Variants in FNDC3B observed in about 807,000 individuals in gnomAD.
FNDC3B encodes the protein fibronectin type III domain containing 3B.
A neutral mutation model predicts 151.5 loss-of-function variants in FNDC3B; 12 were observed. The observed-to-expected ratio is 0.08, with a 90% confidence interval of 0.05 to 0.13. The LOEUF is 0.13. Among genes scored for constraint, FNDC3B ranks in the 10% least tolerant of loss-of-function variants. The pLI, the probability that FNDC3B is intolerant of heterozygous loss-of-function variation, is 1.00. For synonymous variants in FNDC3B, 528 were observed against 549.0 expected (o/e 0.96, Z 0.54); for missense variants, 1,214 against 1,505.3 (o/e 0.81, Z 3.20).
chr3:172,309,026 C>A (rs1343756103), intron 10 of FNDC3B, among the ~76,000 whole-genome samples: 1 of 152,154 alleles, frequency 6.6e-6, no homozygotes. Flanking sequence ...TCAGGCAGAC[C>A]AGCAACTTCA....
chr3:172,318,015 A>T (rs532664932), intron 11 of FNDC3B, among the ~76,000 whole-genome samples: 63 of 152,214 alleles, frequency 4.1e-4, no homozygotes, highest in Admixed American at 3.5e-3. Context: ...TCACATCTGG[A>T]TACACAGAAT....
chr3:172,050,994 A>T (rs866411724), intron 1 of FNDC3B, among the ~76,000 whole-genome samples: 13 of 151,932 alleles, frequency 8.6e-5, no homozygotes, highest in Non-Finnish European at 1.8e-4. Flanking sequence ...ATTTTGGCCT[A>T]TTCAAAAGAA....
intron 2 of FNDC3B, among the ~76,000 whole-genome samples, chr3:172,132,604 C>A (rs988869923): frequency 1.3e-5 from 2 of 152,158 alleles, no homozygotes; most frequent in African/African-American, 4.8e-5. Context: ...CCAGGTTTCA[C>A]CCAGGTTGGT....
In FNDC3B at chr3:172,087,634, T is replaced by A. The variant is rs556657150; in HGVS notation, c.-28-24818T>A. On this transcript the variant is annotated intron_variant, in intron 1 of 25. Transcript: ENST00000415807. ...CAGAGGTGCTGCTGATTAAAAAAAA[T>A]TTTTTTTTCAAATTTCATTGCAAAT... Among the ~76,000 whole-genome samples the A allele has an allele frequency of 4.8e-4, 72 of 151,076 alleles. 1 individual carries two copies. The highest frequency in any genetic ancestry group is 1.5e-3 in the Admixed American group (23 of 15,238).
rs1264405629 is a variant in FNDC3B, at chr3:172,397,171, A to G, written c.3311A>G (p.Lys1104Arg). 3 of 1,608,586 alleles carry G rather than the reference A, an allele frequency of 1.9e-6. No homozygotes were observed. The highest frequency in any genetic ancestry group is 2.7e-5 in the African/African-American group (2 of 74,692). Residue 1104 changes from lysine to arginine, a missense_variant, in exon 26 of 26, where the codon AAG (lysine) becomes AGG (arginine). Coordinates refer to ENST00000415807, the MANE Select transcript of FNDC3B (RefSeq NM_022763.4). ...GRESEYKQVY[K>R]GEEATFQISG... ...ACTCTTCTTTTCCTGAAGGTGTACA[A>G]GGGAGAAGAAGCCACATTCCAAATC...
intron 4 of FNDC3B, among the ~76,000 whole-genome samples, chr3:172,243,660 A>C (rs7611221): frequency 0.029 from 4,408 of 152,270 alleles, 231 homozygotes; most frequent in African/African-American, 0.099. Context: ...GGATACAGCC[A>C]AACCATATCA....
chr3:172,318,933 A>G (rs2108267245), intron 11 of FNDC3B, among the ~76,000 whole-genome samples: 1 of 152,294 alleles, frequency 6.6e-6, no homozygotes, highest in East Asian at 1.9e-4. Flanking sequence ...GGAAGGATTG[A>G]ATAACTCAGA....
At chr3:172,318,748 C>T (rs1731939825) in intron 11 of FNDC3B, among the ~76,000 whole-genome samples, 1 of 152,194 alleles carries the variant, frequency 6.6e-6, no homozygotes, top group Non-Finnish European at 1.5e-5. Flanking sequence ...CCCACATGCA[C>T]TTTGGTCATT....
intron 22 of FNDC3B, among the ~76,000 whole-genome samples, chr3:172,355,971 T>A (rs1734076645): frequency 2.6e-5 from 4 of 152,184 alleles, no homozygotes; most frequent in African/African-American, 4.8e-5. Flanking sequence ...TACTTTTTTT[T>A]AAACAACCTT....
intron 3 of FNDC3B, among the ~76,000 whole-genome samples, chr3:172,192,864 T>C (rs1161094630): frequency 6.6e-6 from 1 of 152,096 alleles, no homozygotes; most frequent in Non-Finnish European, 1.5e-5. Flanking sequence ...AAATGCAGTT[T>C]ATTCCCCTAG....
chr3:172,235,395 C>T (rs1039561156), intron 4 of FNDC3B, among the ~76,000 whole-genome samples: 1 of 152,104 alleles, frequency 6.6e-6, no homozygotes, highest in African/African-American at 2.4e-5. Flanking sequence ...AGATCATGGT[C>T]CCCTGAATTC....
At position 172,343,033 on chromosome 3, in the gene FNDC3B, G is replaced by A. The variant is rs187182787; in HGVS notation, c.1994G>A (p.Arg665His). 10 of 1,611,692 alleles carry A rather than the reference G, an allele frequency of 6.2e-6. No individual in the cohort carries two copies. In the Admixed American group the frequency reaches 6.7e-5, roughly 11 times the overall value. Residue 665 changes from arginine to histidine, a missense_variant, in exon 18 of 26, where the codon CGC becomes CAC. Physicochemically the swap from Arg to His is conservative, Grantham distance 29 (BLOSUM62 0). Transcript: ENST00000415807. ...CAGTGTTCTGAAAGTCTCCCTGTTC[G>A]CACACTAAGCATTGCACCAGGTCAA... ...HSQCSESLPV[R>H]TLSIAPGQCR...
intron 11 of FNDC3B, 120 bp downstream of exon 11, chr3:172,311,001 G>A (rs781242069): frequency 8.1e-6 from 6 of 744,242 alleles, no homozygotes; most frequent in Non-Finnish European, 1.4e-5. Context: ...AATGCTAGTA[G>A]AGAAATTTAA....
At chr3:172,334,008 C>T (rs140505342) in intron 14 of FNDC3B, among the ~76,000 whole-genome samples, 469 of 151,390 alleles carry the variant, frequency 3.1e-3, no homozygotes, top group African/African-American at 0.011. Context: ...GAGATCAAAA[C>T]GATATTCTGC....
At chr3:172,316,438 T>C (rs1248396584) in intron 11 of FNDC3B, 3 of 456,062 alleles carry the variant, frequency 6.6e-6, no homozygotes, top group Non-Finnish European at 1.3e-5. Flanking sequence ...ACTAGGAACC[T>C]CTGGGTTGAG....
At chr3:172,298,854 C>T (rs914320282) in intron 9 of FNDC3B, 67 bp downstream of exon 9, 3 of 1,172,508 alleles carry the variant, frequency 2.6e-6, no homozygotes, top group Non-Finnish European at 3.7e-6. Flanking sequence ...AACATGTACT[C>T]CCTTTTAAGT....
Position 172,378,317 on chromosome 3 carries a change from G to C in FNDC3B, c.3056G>C (p.Arg1019Thr). The part of the protein sequence containing the change: ...RGPSHTYKVQ[R>T]LTEFTCYSFR... ...CCCAGCCACACCTACAAGGTCCAGA[G>C]ACTGACGGAATTCACATGCTACTCC... Residue 1019 changes from arginine to threonine, a missense_variant, in exon 24 of 26, where the codon AGA becomes ACA. By Grantham distance (71) the Arg-to-Thr change is moderately conservative. Transcript: ENST00000415807. 6.2e-7 allele frequency: 1 copy of C among 1,613,826 alleles called. No individual in the cohort carries two copies. Among genetic ancestry groups the C allele is most frequent in the Non-Finnish European group, 8.5e-7 (1 of 1,179,886 alleles).
intron 3 of FNDC3B, among the ~76,000 whole-genome samples, chr3:172,214,496 C>CT (rs1264670871): frequency 2.6e-5 from 4 of 151,946 alleles, no homozygotes; most frequent in African/African-American, 9.7e-5. Flanking sequence ...AGTGAGCAGC[C>CT]TTCTAGATTG....
chr3:172,123,659 T>C (rs1258489622), intron 2 of FNDC3B, among the ~76,000 whole-genome samples: 2 of 152,202 alleles, frequency 1.3e-5, no homozygotes, highest in African/African-American at 2.4e-5. Flanking sequence ...AATTTTTGTT[T>C]TATATTGCCA....
Sources: gnomAD v4.1 joint callset for allele counts (sites outside exome capture counted in the v4.1 genomes callset) on GRCh38, gnomAD v4.1.1 for gene constraint, MANE v1.5 for transcripts, NCBI Gene and HGNC (gene_info 2026-07-23, HGNC 2026-07-21) for gene names.